The following CTNNA3 variants were observed in gnomAD, a reference collection of about 807,000 sequenced individuals.
CTNNA3 encodes catenin alpha 3.
CTNNA3 carries 76 observed loss-of-function variants against 95.7 expected under a neutral mutation model. The ratio of observed to expected loss-of-function variants is 0.79; its 90% confidence interval spans 0.66 to 0.96. The LOEUF is 0.96. CTNNA3 is among the 40% of genes least tolerant of loss of function. CTNNA3 has a pLI of 0.00. For synonymous variants in CTNNA3, 431 were observed against 374.4 expected, an observed-to-expected ratio of 1.15 and a Z score of -1.74; for missense variants, 1,191 against 1,089.8, an observed-to-expected ratio of 1.09 and a Z score of -1.31.
chr10:67,719,471 ATG>A (rs1166782637), intron 1 of CTNNA3, among the ~76,000 whole-genome samples: 1 of 152,092 alleles, frequency 6.6e-6, no homozygotes, highest in Non-Finnish European at 1.5e-5. Context: ...ACTGCTTTGA[ATG>A]TGTCCCAGAG....
intron 12 of CTNNA3, among the ~76,000 whole-genome samples, chr10:66,350,026 G>A (rs2092554809): frequency 6.6e-6 from 1 of 152,006 alleles, no homozygotes; most frequent in South Asian, 2.1e-4. Flanking sequence ...CTCTATTATA[G>A]CAACGTAACA....
chr10:66,778,131 C>T (rs1398705917), intron 7 of CTNNA3, among the ~76,000 whole-genome samples: 2 of 152,082 alleles, frequency 1.3e-5, no homozygotes, highest in Admixed American at 6.6e-5. Flanking sequence ...TAAAGGTCTC[C>T]CTTCTTGCTT....
intron 5 of CTNNA3, among the ~76,000 whole-genome samples, chr10:67,321,304 A>C (rs889885632): frequency 6.6e-6 from 1 of 152,238 alleles, no homozygotes; most frequent in Non-Finnish European, 1.5e-5. Context: ...GCAGAAAGAA[A>C]CATTCTAACT....
intron 9 of CTNNA3, among the ~76,000 whole-genome samples, chr10:66,685,189 ACG>A (rs1847212927): frequency 1.0e-5 from 1 of 96,966 alleles, no homozygotes; most frequent in Non-Finnish European, 2.0e-5. Flanking sequence ...ATATATATAT[ACG>A]TGTATATATA....
intron 13 of CTNNA3, among the ~76,000 whole-genome samples, chr10:66,225,487 C>A (rs1302971825): frequency 6.8e-6 from 1 of 146,828 alleles, no homozygotes; most frequent in Non-Finnish European, 1.5e-5. Flanking sequence ...TGGTGATAAG[C>A]AATTAGGCTG....
chr10:66,217,426 T>A (rs1166225629), intron 13 of CTNNA3, among the ~76,000 whole-genome samples: 2 of 151,958 alleles, frequency 1.3e-5, no homozygotes, highest in African/African-American at 4.8e-5. Context: ...CTTTGTGTAA[T>A]ACCTTTGATC....
intron 1 of CTNNA3, among the ~76,000 whole-genome samples, chr10:67,758,931 C>T (rs11818251): frequency 0.13 from 19,957 of 152,118 alleles, 2,051 homozygotes; most frequent in African/African-American, 0.29. Context: ...CTTCTTACTT[C>T]TTAATTGGCC....
intron 5 of CTNNA3, among the ~76,000 whole-genome samples, chr10:67,377,314 A>C (rs946386282): frequency 6.6e-6 from 1 of 152,240 alleles, no homozygotes. Context: ...ATGTATATTA[A>C]GGAAAGAATG....
chr10:66,756,187 G>T (rs185870081), intron 9 of CTNNA3, among the ~76,000 whole-genome samples: 82 of 152,228 alleles, frequency 5.4e-4, no homozygotes, highest in African/African-American at 2.0e-3. Flanking sequence ...AAAATAATGA[G>T]AGGAAGACAT....
chr10:67,131,149 A>T (rs769858551), intron 7 of CTNNA3, among the ~76,000 whole-genome samples: 6 of 151,900 alleles, frequency 3.9e-5, no homozygotes, highest in Non-Finnish European at 8.8e-5. Flanking sequence ...ATGCTCTCCC[A>T]TGTCTCCTCG....
intron 7 of CTNNA3, among the ~76,000 whole-genome samples, chr10:66,864,054 C>T (rs2132420270): frequency 6.6e-6 from 1 of 152,122 alleles, no homozygotes; most frequent in African/African-American, 2.4e-5. Context: ...TAAGGTTATT[C>T]AAGTATGTGA....
intron 7 of CTNNA3, among the ~76,000 whole-genome samples, chr10:67,045,675 C>G (rs1854691061): frequency 6.6e-6 from 1 of 152,172 alleles, no homozygotes; most frequent in African/African-American, 2.4e-5. Flanking sequence ...AGTCCTGGCG[C>G]GGGATGGGGC....
At chr10:67,139,532 C>G (rs12783406) in intron 7 of CTNNA3, among the ~76,000 whole-genome samples, 45,070 of 151,692 alleles carry the variant, frequency 0.3, 7,242 homozygotes, top group Middle Eastern at 0.5. Flanking sequence ...CCTGCCTCAG[C>G]CTCCTGAGTA....
Position 67,247,893 on chromosome 10 carries a change from T to C in CTNNA3, c.580-28023A>G, listed in dbSNP as rs75487603. ...AGTTTCAAAACCTACTACAAAACTA[T>C]AAGACAGTGTGTTACAATCATAAAG... On this transcript the variant is annotated intron_variant, in intron 5 of 17. Coordinates refer to ENST00000433211, the MANE Select transcript of CTNNA3 (RefSeq NM_013266.4). Among the ~76,000 whole-genome samples, 9 of 152,270 alleles carry C rather than the reference T, an allele frequency of 5.9e-5. No homozygotes were observed. In the East Asian group the frequency reaches 1.5e-3, roughly 26 times the overall value.
At chr10:66,649,506 C>G (rs1167972813) in intron 9 of CTNNA3, among the ~76,000 whole-genome samples, 1 of 152,152 alleles carries the variant, frequency 6.6e-6, no homozygotes, top group African/African-American at 2.4e-5. Context: ...ATACCCAACC[C>G]TTACGGGAAG....
At chr10:67,540,439 T>C (rs1453303448) in intron 3 of CTNNA3, among the ~76,000 whole-genome samples, 1 of 151,962 alleles carries the variant, frequency 6.6e-6, no homozygotes, top group East Asian at 1.9e-4. Flanking sequence ...TACTTTTAAA[T>C]AATTTACCAC....
chr10:65,932,160 G>C (rs1353555114), intron 17 of CTNNA3, among the ~76,000 whole-genome samples: 2 of 152,104 alleles, frequency 1.3e-5, no homozygotes, highest in Admixed American at 1.3e-4. Context: ...CTCTCTCTGA[G>C]TCTGTTTTCT....
At chr10:66,335,396 A>G (rs552519004) in intron 12 of CTNNA3, among the ~76,000 whole-genome samples, 17 of 152,122 alleles carry the variant, frequency 1.1e-4, no homozygotes, top group African/African-American at 3.9e-4. Context: ...GGTGACGTAC[A>G]GATGGTGTTT....
rs71035114 is a variant in CTNNA3 at position 66,188,595 on chromosome 10, C to CTGTGTGTGTGTG, written c.1885-85358_1885-85347dup. On this transcript the variant is annotated intron_variant, in intron 13 of 17. Coordinates refer to ENST00000433211, the MANE Select transcript of CTNNA3 (RefSeq NM_013266.4). ...GTGTGTGTGGGGGGAGGGGGGGTCT[C>CTGTGTGTGTGTG]TGTGTGTGTGTGTGTGTGTGTGTGT... Among the ~76,000 whole-genome samples, 55 of 121,078 alleles carry CTGTGTGTGTGTG rather than the reference C, an allele frequency of 4.5e-4. 1 individual carries two copies. Among genetic ancestry groups the CTGTGTGTGTGTG allele is most frequent in the Admixed American group, 8.2e-4 (10 of 12,190 alleles). The allele number at this position is 121,078 out of a possible 152,430, so 79.4% of individuals were successfully genotyped here. A position where few individuals can be genotyped will look rare whatever the true frequency, so the allele number is the denominator to read the frequency against.
Sources: allele counts gnomAD v4.1 joint callset (sites outside exome capture counted in the v4.1 genomes callset), GRCh38; gene constraint gnomAD v4.1.1; transcripts MANE v1.5; gene names NCBI Gene and HGNC (gene_info 2026-07-23, HGNC 2026-07-21).